MCF2L2: variants seen among roughly 807,000 people sequenced by gnomAD.
MCF2L2 encodes the protein MCF.2 cell line derived transforming sequence-like 2.
MCF2L2 carries 102 observed loss-of-function variants against 150.2 expected under a neutral mutation model. The ratio of observed to expected loss-of-function variants is 0.68; its 90% CI spans 0.58 to 0.80. MCF2L2 has a LOEUF of 0.80. MCF2L2 is among the 30% of genes least tolerant of loss of function. The pLI is 0.00. For missense variants in MCF2L2, 1,256 were observed against 1,372.8 expected, an observed-to-expected ratio of 0.91 and a Z score of 1.34; for synonymous variants, 465 against 491.3, an observed-to-expected ratio of 0.95 and a Z score of 0.71.
intron 5 of MCF2L2, among the ~76,000 whole-genome samples, chr3:183,334,189 A>C (rs953211338): frequency 1.3e-5 from 2 of 152,218 alleles, no homozygotes; most frequent in Non-Finnish European, 2.9e-5. Context: ...TTAGTAAATG[A>C]TGAGAGTGCT....
At chr3:183,334,513 C>A (rs1253324105) in intron 5 of MCF2L2, among the ~76,000 whole-genome samples, 2 of 151,940 alleles carry the variant, frequency 1.3e-5, no homozygotes, top group Admixed American at 1.3e-4. Context: ...AAGGGCCGGG[C>A]ATGGTGACTC....
At chr3:183,217,766 GC>G (rs1328742234) in intron 21 of MCF2L2, among the ~76,000 whole-genome samples, 1 of 152,094 alleles carries the variant, frequency 6.6e-6, no homozygotes, top group Non-Finnish European at 1.5e-5. Context: ...CATTAAAGAT[GC>G]CAAAGAGATA....
At chr3:183,261,265 A>G (rs933331078) in intron 15 of MCF2L2, among the ~76,000 whole-genome samples, 6 of 152,146 alleles carry the variant, frequency 3.9e-5, no homozygotes, top group Non-Finnish European at 7.3e-5. Flanking sequence ...CTCTCTCAAC[A>G]AGGCAGTTTG....
chr3:183,388,926 A>G (rs1413133728), intron 2 of MCF2L2, among the ~76,000 whole-genome samples: 1 of 152,212 alleles, frequency 6.6e-6, no homozygotes, highest in Admixed American at 6.5e-5. Context: ...TCTCTCTGTG[A>G]TGTAACTAAG....
rs146816005 is a variant in MCF2L2, at chr3:183,203,848, TAGA to T, written c.2884+2025_2884+2027del. Among the ~76,000 whole-genome samples the T allele has an allele frequency of 6.3e-3, 964 of 152,260 alleles. 13 individuals are homozygous for T. The highest frequency in any genetic ancestry group is 0.021 in the African/African-American group (881 of 41,542). ...AATTATCTTGAAAGCAGCAAGCACA[TAGA>T]AGGACTCTTCAATAAGATTAACAGC... On this transcript the variant is annotated intron_variant, in intron 25 of 29. Coordinates refer to ENST00000328913, the MANE Select transcript of MCF2L2 (RefSeq NM_015078.4).
At chr3:183,218,618 A>C (rs1723033608) in intron 21 of MCF2L2, among the ~76,000 whole-genome samples, 1 of 152,152 alleles carries the variant, frequency 6.6e-6, no homozygotes, top group Non-Finnish European at 1.5e-5. Flanking sequence ...TGGGTGACAG[A>C]GCGAGACTCT....
In MCF2L2 at chr3:183,179,970, T is replaced by G. The variant is rs374894853; in HGVS notation, c.3105+101A>C. ...ACCAGGTCCTTATGGGTGAGAATCC[T>G]GAGGAGGGGGAGAGGGATGGAGGCT... On this transcript the variant is annotated intron_variant, in intron 28 of 29. Coordinates refer to ENST00000328913, the MANE Select transcript of MCF2L2 (RefSeq NM_015078.4). This position sits in a 1 kb window ranked among gnomAD's most constrained non-coding sequence, Gnocchi z 4.2. 1.7e-4 allele frequency: 169 copies of G among 996,384 alleles called. 1 individual carries two copies. The African/African-American group carries it at 2.2e-3, about 13-fold the overall frequency. 61.7% of individuals were successfully genotyped at this position (996,384 alleles called of 1,614,324 possible). A position where few individuals can be genotyped will look rare whatever the true frequency, so the allele number is the denominator to read the frequency against.
At position 183,382,776 on chromosome 3, in the gene MCF2L2, T is replaced by G. The variant is rs16857424; in HGVS notation, c.161-3365A>C. On this transcript the variant is annotated intron_variant, in intron 2 of 29. Transcript: ENST00000328913. ...TTCATTAAGTGAAAGACAAATAGTT[T>G]TAGTGCAGAAAACATTAAGCGCTTG... 5.1e-3 allele frequency among the ~76,000 whole-genome samples: 774 copies of G among 152,326 alleles called. 4 individuals are homozygous for G. The highest frequency in any genetic ancestry group is 0.018 in the African/African-American group (751 of 41,570).
chr3:183,402,246 A>G (rs1163009474), intron 1 of MCF2L2, among the ~76,000 whole-genome samples: 3 of 151,568 alleles, frequency 2.0e-5, no homozygotes, highest in Non-Finnish European at 2.9e-5. Context: ...GATCAAGACC[A>G]TCCTGGCTAA....
rs146992443 is a variant in MCF2L2 at position 183,230,969 on chromosome 3, C to A, written c.1911G>T (p.Glu637Asp). 4.9e-5 allele frequency: 79 copies of A among 1,613,532 alleles called. No individual in the cohort carries two copies. Among genetic ancestry groups the A allele is most frequent in the Non-Finnish European group, 6.6e-5 (78 of 1,179,646 alleles). The part of the protein sequence containing the change: ...LLETEEIYIK[E>D]IKSIIDGYIT... ...TACTTACATCAATTATGCTTTTAAT[C>A]TCTTTTATGTAAATCTCTTCAGTCT... Residue 637 changes from glutamate to aspartate, a missense_variant, in exon 16 of 30, where the codon GAG (glutamate) becomes GAT (aspartate). Transcript: ENST00000328913.
rs76931352 is a variant in MCF2L2, at chr3:183,232,571, T to G, written c.1863-1554A>C. On this transcript the variant is annotated intron_variant, in intron 15 of 29. Coordinates refer to ENST00000328913, the MANE Select transcript of MCF2L2 (RefSeq NM_015078.4). ...TGTGTAGAATATATATATTTATTCT[T>G]GTTAACTATTGATGGATTATCTATT... Among the ~76,000 whole-genome samples, 294 of 152,324 alleles carry G rather than the reference T, an allele frequency of 1.9e-3. 1 individual carries two copies. The highest frequency in any genetic ancestry group is 6.8e-3 in the African/African-American group (283 of 41,568).
chr3:183,420,122 A>G (rs1715801063), intron 1 of MCF2L2, among the ~76,000 whole-genome samples: 1 of 152,190 alleles, frequency 6.6e-6, no homozygotes, highest in East Asian at 1.9e-4. Flanking sequence ...AAAACCATTC[A>G]ACAAGTCTCT....
chr3:183,282,304 G>C (rs534075726), intron 14 of MCF2L2, among the ~76,000 whole-genome samples: 2 of 151,810 alleles, frequency 1.3e-5, no homozygotes, highest in African/African-American at 4.8e-5. Flanking sequence ...TCAGCCTCCC[G>C]AGTAGCTGGG....
intron 15 of MCF2L2, among the ~76,000 whole-genome samples, chr3:183,251,493 C>T (rs1055287004): frequency 6.6e-6 from 1 of 152,120 alleles, no homozygotes; most frequent in Admixed American, 6.5e-5. Flanking sequence ...CTATCCCTGC[C>T]GAGTCTAACA....
At chr3:183,201,400 A>C (rs1722278821) in intron 25 of MCF2L2, among the ~76,000 whole-genome samples, 1 of 152,080 alleles carries the variant, frequency 6.6e-6, no homozygotes, top group African/African-American at 2.4e-5. Flanking sequence ...TGTGAATGGG[A>C]GTTCACTCAT....
At chr3:183,303,565 C>T (rs1728958174) in intron 10 of MCF2L2, among the ~76,000 whole-genome samples, 1 of 152,130 alleles carries the variant, frequency 6.6e-6, no homozygotes, top group South Asian at 2.1e-4. Context: ...TTTCCAAACC[C>T]CTTTCCTCTT....
intron 3 of MCF2L2, chr3:183,375,563 A>G (rs1029975643): frequency 6.6e-6 from 1 of 152,134 alleles, no homozygotes; most frequent in Non-Finnish European, 1.5e-5. Flanking sequence ...CCTTTACAGC[A>G]TCGTACACCG....
chr3:183,183,450 C>A lies in MCF2L2; in HGVS notation c.3017-3291G>T, dbSNP rs1721595827. On this transcript the variant is annotated intron_variant, in intron 27 of 29. Transcript: ENST00000328913. Reference sequence around the variant, plus strand: ...ATCTCAGACTCAGGATCTGGCCAGTCACAGGCATGTGAGGGAACAACTGAG... The same window carrying A: ...ATCTCAGACTCAGGATCTGGCCAGTAACAGGCATGTGAGGGAACAACTGAG... Among the ~76,000 whole-genome samples, 7 of 152,332 alleles carry A rather than the reference C, an allele frequency of 4.6e-5. 2 individuals carry two copies. The South Asian group carries it at 1.4e-3, about 32-fold the overall frequency.
chr3:183,329,116 T>A (rs1730165540), intron 5 of MCF2L2, among the ~76,000 whole-genome samples: 1 of 152,312 alleles, frequency 6.6e-6, no homozygotes, highest in African/African-American at 2.4e-5. Flanking sequence ...GCAAAAACAG[T>A]TTGGCAATTT....
Sources: allele counts gnomAD v4.1 joint callset (sites outside exome capture counted in the v4.1 genomes callset), GRCh38; gene constraint gnomAD v4.1.1; non-coding constraint Gnocchi (gnomAD v3.1); transcripts MANE v1.5; gene names NCBI Gene and HGNC (gene_info 2026-07-23, HGNC 2026-07-21).